The following C9 variants were observed in gnomAD, a reference collection of about 807,000 sequenced individuals.
C9 encodes the protein complement component C9.
Under a neutral mutation model 65.4 loss-of-function variants are expected in C9, and 63 were observed. That is an observed-to-expected ratio of 0.96 (90% confidence interval 0.79 to 1.19). C9 has a LOEUF of 1.19. C9 is among the 50% of genes most tolerant of loss of function. C9 has a pLI of 0.00. For missense variants in C9, 744 were observed against 670.1 expected (o/e 1.11, Z -1.22); for synonymous variants, 229 against 227.9 (o/e 1.00, Z -0.04).
chr5:39,296,020 T>C (rs879260781), intron 9 of C9, among the ~76,000 whole-genome samples: 1 of 151,514 alleles, frequency 6.6e-6, no homozygotes, highest in Non-Finnish European at 1.5e-5. Context: ...TTTTGTCCTA[T>C]AAAAAATCAA....
At chr5:39,285,257 A>G (rs1308042197) in intron 10 of C9, 24 bp from the exon 11 acceptor site, 1 of 1,597,976 alleles carries the variant, frequency 6.3e-7, no homozygotes, top group African/African-American at 1.3e-5. Context: ...ATAAGTATCA[A>G]ATCTTAATCA....
At chr5:39,295,906 A>G (rs1281918494) in intron 9 of C9, among the ~76,000 whole-genome samples, 1 of 151,734 alleles carries the variant, frequency 6.6e-6, no homozygotes, top group African/African-American at 2.4e-5. Context: ...AATTTTTGAC[A>G]AAAGTACCAA....
chr5:39,298,313 T>C (rs1041515606), intron 9 of C9, among the ~76,000 whole-genome samples: 4 of 149,212 alleles, frequency 2.7e-5, no homozygotes, highest in East Asian at 4.0e-4. Context: ...ATAATGAGAA[T>C]TGAAATAGAA....
Position 39,339,576 on chromosome 5 carries a change from G to A in C9, c.476+1570C>T, listed in dbSNP as rs184227116. On this transcript the variant is annotated intron_variant, in intron 4 of 10. Coordinates refer to ENST00000263408, the MANE Select transcript of C9 (RefSeq NM_001737.5). ...CATCTCTGGCCTCCACCCACTACAT[G>A]CCAATAGCACTCCCCATTCTCACCC... is the stretch of plus-strand genomic sequence containing the variant. Among the ~76,000 whole-genome samples, 636 of 150,478 alleles carry A rather than the reference G, an allele frequency of 4.2e-3. 5 individuals carry two copies. Among genetic ancestry groups the A allele is most frequent in the South Asian group, 0.018 (85 of 4,758 alleles).
chr5:39,306,966 AT>A (rs1753392778), intron 8 of C9, among the ~76,000 whole-genome samples, 174 bp from the exon 9 acceptor site: 2 of 152,164 alleles, frequency 1.3e-5, no homozygotes, highest in Admixed American at 1.3e-4. Flanking sequence ...CAAATCTACA[AT>A]GGAAATTTAC....
rs1753115322 is a variant in C9, at chr5:39,292,498, A to G, written c.1417-3547T>C. On this transcript the variant is annotated intron_variant, in intron 9 of 10. Coordinates refer to ENST00000263408, the MANE Select transcript of C9 (RefSeq NM_001737.5). The stretch of plus-strand genomic sequence containing the variant: ...AAAGAAATGCCAAAGGAAATTTTTC[A>G]GGCAGAAGAATTACCACAAAGAACT... Among the ~76,000 whole-genome samples the G allele has an allele frequency of 3.9e-5, 6 of 152,024 alleles. No individual in the cohort carries two copies. The South Asian group carries it at 1.2e-3, about 32-fold the overall frequency.
Position 39,284,931 on chromosome 5 carries a change from G to C in C9, c.*268C>G, listed in dbSNP as rs1482987351. 16 of 438,906 alleles carry C rather than the reference G, an allele frequency of 3.6e-5. No homozygotes were observed. The highest frequency in any genetic ancestry group is 6.1e-5 in the Non-Finnish European group (15 of 244,684). The allele number at this position is 438,906 out of a possible 1,614,324, so 27.2% of individuals were successfully genotyped here. ...TTTAATTTTGTTTTTTTTTAGAAGA[G>C]ATTGGCATTTTCCGTGGGATAAAGC... On this transcript the variant is annotated 3_prime_UTR_variant, in exon 11 of 11. Transcript: ENST00000263408.
At chr5:39,309,330 T>C (rs1436622344) in intron 7 of C9, among the ~76,000 whole-genome samples, 3 of 152,072 alleles carry the variant, frequency 2.0e-5, no homozygotes, top group Middle Eastern at 3.4e-3. Context: ...TCAAAATGCT[T>C]TATGAAAAAG....
intron 10 of C9, among the ~76,000 whole-genome samples, chr5:39,285,955 A>G (rs1425012734): frequency 6.6e-6 from 1 of 152,112 alleles, no homozygotes; most frequent in African/African-American, 2.4e-5. Context: ...CTATGTCAAC[A>G]TGGATGCTTG....
intron 1 of C9, among the ~76,000 whole-genome samples, chr5:39,342,792 A>G (rs1441709203): frequency 6.6e-6 from 1 of 152,090 alleles, no homozygotes; most frequent in Non-Finnish European, 1.5e-5. Context: ...CTGAGTTTTA[A>G]CATCATATAT....
intron 1 of C9, among the ~76,000 whole-genome samples, chr5:39,363,790 G>C (rs775059981): frequency 6.6e-6 from 1 of 152,150 alleles, no homozygotes; most frequent in African/African-American, 2.4e-5. Context: ...ATTAGGATCA[G>C]AGAAAAAGGA....
rs570872802 is a variant in C9 at position 39,341,947 on chromosome 5, G to A, written c.183+144C>T. 7.8e-4 allele frequency: 553 copies of A among 707,304 alleles called. 4 individuals are homozygous for A. The highest frequency in any genetic ancestry group is 3.0e-3 in the South Asian group (187 of 62,120). The allele number at this position is 707,304 out of a possible 1,614,324, so 43.8% of individuals were successfully genotyped here. A position where few individuals can be genotyped will look rare whatever the true frequency, so the allele number is the denominator to read the frequency against. ...ACATAAAGATTTCCTGGAAAAGTTA[G>A]CAACATACATTTAAATGTTTATCTC... is the stretch of plus-strand genomic sequence containing the variant. On this transcript the variant is annotated intron_variant, in intron 2 of 10. Transcript: ENST00000263408.
At chr5:39,328,752 A>G (rs147685773) in intron 5 of C9, among the ~76,000 whole-genome samples, 19 of 152,324 alleles carry the variant, frequency 1.2e-4, no homozygotes, top group Non-Finnish European at 2.4e-4. Context: ...CTGAGAGGTT[A>G]GACAACTGTG....
chr5:39,333,699 T>C (rs1753891335), intron 4 of C9, among the ~76,000 whole-genome samples: 1 of 149,878 alleles, frequency 6.7e-6, no homozygotes. Context: ...CTTGGCTCAC[T>C]GCAGCCTCCC....
chr5:39,298,672 T>C (rs922680763), intron 9 of C9, among the ~76,000 whole-genome samples: 17 of 151,684 alleles, frequency 1.1e-4, no homozygotes, highest in African/African-American at 3.6e-4. Flanking sequence ...TACAAACATT[T>C]AAAAAAGACA....
At chr5:39,350,233 A>G (rs1210122958) in intron 1 of C9, among the ~76,000 whole-genome samples, 1 of 152,206 alleles carries the variant, frequency 6.6e-6, no homozygotes, top group Non-Finnish European at 1.5e-5. Context: ...CTCCATCATG[A>G]GAACAGCAAA....
At chr5:39,329,037 A>T (rs1032437201) in intron 5 of C9, among the ~76,000 whole-genome samples, 1 of 152,196 alleles carries the variant, frequency 6.6e-6, no homozygotes, top group Non-Finnish European at 1.5e-5. Context: ...GGAGACTCAG[A>T]TTTAAGAAGA....
intron 5 of C9, among the ~76,000 whole-genome samples, chr5:39,323,432 A>T (rs1753696114): frequency 6.6e-6 from 1 of 151,420 alleles, no homozygotes; most frequent in Admixed American, 6.6e-5. Context: ...AAATATAAAC[A>T]AACTAAATTC....
intron 6 of C9, among the ~76,000 whole-genome samples, chr5:39,313,068 TC>T (rs1753513529): frequency 1.3e-5 from 2 of 152,200 alleles, no homozygotes; most frequent in Non-Finnish European, 2.9e-5. Flanking sequence ...CATGTGATGT[TC>T]TTTGGGTCAA....
Sources: allele counts gnomAD v4.1 joint callset (sites outside exome capture counted in the v4.1 genomes callset), GRCh38; gene constraint gnomAD v4.1.1; transcripts MANE v1.5; gene names NCBI Gene and HGNC (gene_info 2026-07-23, HGNC 2026-07-21).